Variants in TBC1D19 observed in about 807,000 individuals in gnomAD.
TBC1D19 encodes the protein TBC1 domain family member 19.
Under a neutral mutation model 89.0 loss-of-function variants are expected in TBC1D19, and 60 were observed. The observed-to-expected ratio is 0.67, with a 90% CI of 0.55 to 0.84. The LOEUF is 0.84. Among genes scored for constraint, TBC1D19 ranks in the 40% least tolerant of loss-of-function variants. The probability of loss-of-function intolerance (pLI) is 0.00; values close to 1 mark genes in which losing one functional copy is unlikely to be tolerated. For missense variants in TBC1D19, 500 were observed against 610.8 expected (o/e 0.82, Z 1.91); for synonymous variants, 189 against 199.7 (o/e 0.95, Z 0.45).
At chr4:26,598,141 G>A (rs1485864083) in intron 1 of TBC1D19, among the ~76,000 whole-genome samples, 2 of 151,888 alleles carry the variant, frequency 1.3e-5, no homozygotes, top group East Asian at 1.9e-4. Flanking sequence ...TATTTTAATC[G>A]TTTTTGCTCT....
At chr4:26,767,685 G>A in the TBC1D19 span, among the ~76,000 whole-genome samples, 1 of 152,188 alleles carries the variant, frequency 6.6e-6, no homozygotes, top group Admixed American at 6.5e-5. Flanking sequence ...CCTCCAGACT[G>A]TGAAAAATAA....
the TBC1D19 span, among the ~76,000 whole-genome samples, chr4:26,790,193 T>C: frequency 2.0e-5 from 3 of 152,116 alleles, no homozygotes; most frequent in Non-Finnish European, 2.9e-5. Flanking sequence ...AACAAAACTT[T>C]CTGGGTGGTC....
chr4:26,837,024 GAGAAGAC>G, the TBC1D19 span, among the ~76,000 whole-genome samples: 2 of 152,206 alleles, frequency 1.3e-5, no homozygotes, highest in African/African-American at 4.8e-5. Flanking sequence ...AGGATAGCGG[GAGAAGAC>G]AGAAAGGCAT....
chr4:26,615,455 C>CTT lies in TBC1D19; in HGVS notation c.218+1014_218+1015dup, dbSNP rs35104373. On this transcript the variant is annotated intron_variant, in intron 3 of 20. Transcript: ENST00000264866. ...GTTCCCAAGTCTAATTGCACGTCTG[C>CTT]TTTTTTTTTTTTTCCTTTACTGCTA... Among the ~76,000 whole-genome samples the CTT allele has an allele frequency of 1.7e-3, 241 of 145,658 alleles. 1 individual carries two copies. The highest frequency in any genetic ancestry group is 2.7e-3 in the Non-Finnish European group (179 of 66,408).
intron 14 of TBC1D19, among the ~76,000 whole-genome samples, chr4:26,719,518 A>G (rs764866006): frequency 3.4e-4 from 52 of 152,200 alleles, no homozygotes; most frequent in Non-Finnish European, 6.8e-4. Flanking sequence ...TTTTAAAGGA[A>G]AGATACTTTT....
chr4:26,723,621 C>T lies in TBC1D19; in HGVS notation c.1084+3496C>T, dbSNP rs961780498. On this transcript the variant is annotated intron_variant, in intron 15 of 20. Transcript: ENST00000264866. ...GAAGAATCACCAATGGACAGATTTC[C>T]TCTAGTAGATTCCCCAAACAGCTAG... Among the ~76,000 whole-genome samples, 5 of 152,324 alleles carry T rather than the reference C, an allele frequency of 3.3e-5. No homozygotes were observed. In the South Asian group the frequency reaches 6.2e-4, roughly 19 times the overall value.
intron 13 of TBC1D19, among the ~76,000 whole-genome samples, chr4:26,697,397 G>A (rs1714897398): frequency 6.6e-6 from 1 of 152,112 alleles, no homozygotes; most frequent in South Asian, 2.1e-4. Context: ...AGAAGTCCAG[G>A]ACCAGGGGGA....
the TBC1D19 span, among the ~76,000 whole-genome samples, chr4:26,799,035 A>C: frequency 6.6e-6 from 1 of 152,198 alleles, no homozygotes; most frequent in Non-Finnish European, 1.5e-5. Flanking sequence ...AAAATGAAAT[A>C]AAAATAAAGA....
At chr4:26,625,499 G>C (rs1742332882) in intron 4 of TBC1D19, among the ~76,000 whole-genome samples, 1 of 152,110 alleles carries the variant, frequency 6.6e-6, no homozygotes. Flanking sequence ...AGCCATATTG[G>C]TTGATACATT....
chr4:26,610,640 C>T (rs191454303), intron 1 of TBC1D19, among the ~76,000 whole-genome samples: 22 of 151,980 alleles, frequency 1.4e-4, no homozygotes, highest in Non-Finnish European at 2.6e-4. Context: ...GTCTATTGTT[C>T]CCTTCTTTGT....
intron 4 of TBC1D19, among the ~76,000 whole-genome samples, chr4:26,627,405 A>C (rs1742490205): frequency 6.6e-6 from 1 of 152,156 alleles, no homozygotes; most frequent in African/African-American, 2.4e-5. Context: ...GTATATACCC[A>C]GTAATGGGAT....
intron 13 of TBC1D19, among the ~76,000 whole-genome samples, chr4:26,689,006 G>A (rs1402407046): frequency 6.6e-6 from 1 of 151,924 alleles, no homozygotes; most frequent in African/African-American, 2.4e-5. Context: ...ATGTCATAAA[G>A]GAAATACCTA....
intron 9 of TBC1D19, among the ~76,000 whole-genome samples, chr4:26,667,057 A>C (rs959142278): frequency 1.3e-5 from 2 of 151,940 alleles, no homozygotes; most frequent in African/African-American, 4.8e-5. Flanking sequence ...CTATAAAATA[A>C]ATAAGTTGGC....
chr4:26,795,979 A>T, the TBC1D19 span, among the ~76,000 whole-genome samples: 18 of 152,122 alleles, frequency 1.2e-4, no homozygotes, highest in Non-Finnish European at 2.6e-4. Flanking sequence ...TCTTTTCTCC[A>T]TTGTTTTTTA....
intron 13 of TBC1D19, among the ~76,000 whole-genome samples, chr4:26,707,134 G>A (rs1251405325): frequency 6.6e-6 from 1 of 151,794 alleles, no homozygotes; most frequent in Non-Finnish European, 1.5e-5. Flanking sequence ...ATTGAGAATA[G>A]GATATTGAAG....
At chr4:26,673,446 T>TATATATACACACACACACACACAC (rs373807642) in intron 10 of TBC1D19, among the ~76,000 whole-genome samples, 5 of 90,870 alleles carry the variant, frequency 5.5e-5, no homozygotes, top group South Asian at 4.6e-4. Context: ...TATATATATA[T>TATATATACACACACACACACACAC]ACACACACAC....
intron 11 of TBC1D19, among the ~76,000 whole-genome samples, chr4:26,678,799 A>G (rs1445849826): frequency 6.6e-6 from 1 of 152,164 alleles, no homozygotes; most frequent in Non-Finnish European, 1.5e-5. Flanking sequence ...GGAGGTATGT[A>G]GCTTTTCGTC....
the TBC1D19 span, among the ~76,000 whole-genome samples, chr4:26,832,601 T>C: frequency 4.6e-5 from 7 of 152,170 alleles, no homozygotes; most frequent in Admixed American, 1.3e-4. Context: ...CAATAACATC[T>C]AGTGAGGTTT....
the TBC1D19 span, among the ~76,000 whole-genome samples, chr4:26,813,349 T>C: frequency 2.1e-3 from 319 of 152,316 alleles, 6 homozygotes; most frequent in Admixed American, 0.019. Flanking sequence ...TCCTTCACAA[T>C]TCCAAAATCC....
Sources: allele counts gnomAD v4.1 joint callset (sites outside exome capture counted in the v4.1 genomes callset), GRCh38; gene constraint gnomAD v4.1.1; transcripts MANE v1.5; gene names NCBI Gene and HGNC (gene_info 2026-07-23, HGNC 2026-07-21).